Variants in CPNE9 observed in about 807,000 individuals in gnomAD.
CPNE9 encodes the protein copine family member 9.
CPNE9 carries 59 observed loss-of-function variants against 83.0 expected under a neutral mutation model. The ratio of observed to expected loss-of-function variants is 0.71; its 90% CI spans 0.58 to 0.88. The LOEUF is 0.88. Ranked by LOEUF, CPNE9 falls within the 40% of genes least tolerant of loss-of-function variation. The pLI, the probability that CPNE9 is intolerant of heterozygous loss-of-function variation, is 0.00. For missense variants in CPNE9, 619 were observed against 720.8 expected (o/e 0.86, Z 1.62); for synonymous variants, 256 against 273.4 (o/e 0.94, Z 0.63).
At chr3:9,721,371 C>A (rs1266371223) in intron 17 of CPNE9, among the ~76,000 whole-genome samples, 2 of 152,186 alleles carry the variant, frequency 1.3e-5, no homozygotes, top group Non-Finnish European at 2.9e-5. Flanking sequence ...AAAATTCATG[C>A]AAATTTTATA....
intron 17 of CPNE9, among the ~76,000 whole-genome samples, chr3:9,725,636 ACATGTATG>A (rs1317761592): frequency 2.3e-4 from 9 of 39,742 alleles, no homozygotes; most frequent in African/African-American, 1.2e-3. Flanking sequence ...ATATGTATAT[ACATGTATG>A]TGTATATATG....
rs2076810964 is a variant in CPNE9, at chr3:9,729,569, G to A, written c.1539G>A (p.Leu513=). The part of the protein sequence containing the change: ...SGNQVLSMAR[L]AKDVLAEIPE... Reference sequence around the variant, plus strand: ...ACCAGGTGTTGAGCATGGCCCGACTGGCCAAGGATGTGCTGGCCGAGATCC... The same window carrying A: ...ACCAGGTGTTGAGCATGGCCCGACTAGCCAAGGATGTGCTGGCCGAGATCC... Residue 513 remains leucine (L), a synonymous_variant, in exon 21 of 21, where the codon CTG becomes CTA. Coordinates refer to ENST00000383832, the MANE Select transcript of CPNE9 (RefSeq NM_153635.3). 11 of 1,614,108 alleles carry A rather than the reference G, an allele frequency of 6.8e-6. No homozygotes were observed. Among genetic ancestry groups the A allele is most frequent in the Non-Finnish European group, 9.3e-6 (11 of 1,180,008 alleles).
chr3:9,708,926 A>G (rs776397142), intron 7 of CPNE9, among the ~76,000 whole-genome samples: 47 of 148,776 alleles, frequency 3.2e-4, no homozygotes, highest in Non-Finnish European at 5.3e-4. Context: ...GAGCCACCGC[A>G]CCCGGCCCAA....
intron 17 of CPNE9, among the ~76,000 whole-genome samples, chr3:9,721,917 T>C (rs2076737371): frequency 6.6e-6 from 1 of 151,732 alleles, no homozygotes; most frequent in Non-Finnish European, 1.5e-5. Flanking sequence ...CTGTTTTTTG[T>C]TTTTAGTTTT....
At position 9,729,596 on chromosome 3, in the gene CPNE9, G is replaced by T. The variant is rs199637653; in HGVS notation, c.1566G>T (p.Pro522=). ...RLAKDVLAEI[P]EQLLSYMRTR... ...CCAAGGATGTGCTGGCCGAGATCCC[G>T]GAGCAGCTGCTGTCCTATATGCGCA... is the stretch of plus-strand genomic sequence containing the variant. Residue 522 remains proline (P), a synonymous_variant, in exon 21 of 21, where the codon CCG becomes CCT. Transcript: ENST00000383832. 2.5e-6 allele frequency: 4 copies of T among 1,614,102 alleles called. No homozygotes were observed. Among genetic ancestry groups the T allele is most frequent in the African/African-American group, 1.3e-5 (1 of 75,010 alleles).
chr3:9,725,074 C>T (rs539932541), intron 17 of CPNE9, among the ~76,000 whole-genome samples: 10 of 152,182 alleles, frequency 6.6e-5, no homozygotes, highest in Admixed American at 5.9e-4. Context: ...CCTCTGGTAC[C>T]GTCATAGCAG....
rs2076671857 is a variant in CPNE9 at position 9,715,329 on chromosome 3, C to T, written c.733C>T (p.Leu245=). ...IGEFTTSYRE[L]SKAQNQFTVY... is the part of the protein sequence containing the mutation. ...TGAGTTCACCACCAGCTACCGGGAG[C>T]TGAGCAAGGCCCAGAACCAGTTCAC... is the stretch of plus-strand genomic sequence containing the variant. Residue 245 remains leucine (L), a synonymous_variant, in exon 12 of 21, where the codon CTG becomes TTG. Transcript: ENST00000383832. The T allele has an allele frequency of 1.2e-6, 2 of 1,614,252 alleles. No homozygotes were observed. Among genetic ancestry groups the T allele is most frequent in the Non-Finnish European group, 8.5e-7 (1 of 1,180,042 alleles).
intron 14 of CPNE9, among the ~76,000 whole-genome samples, chr3:9,716,321 TAAAGTTA>T (rs1411975318): frequency 3.3e-5 from 5 of 152,120 alleles, no homozygotes; most frequent in Non-Finnish European, 5.9e-5. Flanking sequence ...GGGGCACAAA[TAAAGTTA>T]TAGTCAGGCA....
intron 17 of CPNE9, among the ~76,000 whole-genome samples, chr3:9,725,677 T>TAC (rs1491466253): frequency 4.8e-5 from 1 of 21,034 alleles, no homozygotes; most frequent in Non-Finnish European, 1.2e-4. Flanking sequence ...TATATATGTG[T>TAC]ATATATATAT....
intron 17 of CPNE9, among the ~76,000 whole-genome samples, chr3:9,725,412 G>A (rs930254170): frequency 3.9e-5 from 6 of 151,926 alleles, no homozygotes; most frequent in South Asian, 2.1e-4. Flanking sequence ...GCTCACACCC[G>A]TAGTCCCAGC....
chr3:9,715,154 C>T, intron 11 of CPNE9, 135 bp from the exon 12 acceptor site: 1 of 1,041,342 alleles, frequency 9.6e-7, no homozygotes, highest in Non-Finnish European at 1.4e-6. Flanking sequence ...CTATGTTTGG[C>T]CTCCCTTATG....
chr3:9,709,132 T>C (rs1401928303), intron 7 of CPNE9, among the ~76,000 whole-genome samples: 2 of 149,948 alleles, frequency 1.3e-5, no homozygotes, highest in Admixed American at 6.6e-5. Flanking sequence ...AAAACTTAGC[T>C]GGGAGTGGTG....
intron 19 of CPNE9, 81 bp from the exon 20 acceptor site, chr3:9,727,032 C>T (rs541977039): frequency 1.4e-6 from 2 of 1,464,706 alleles, no homozygotes; most frequent in African/African-American, 1.4e-5. Context: ...CTGATGACTC[C>T]AAAGGGGAGC....
intron 19 of CPNE9, 136 bp from the exon 20 acceptor site, chr3:9,726,977 A>G: frequency 1.1e-6 from 1 of 945,234 alleles, no homozygotes; most frequent in Non-Finnish European, 1.7e-6. Context: ...CTCCATAACG[A>G]AGACTGATAT....
In CPNE9 at chr3:9,729,596, G is replaced by A. The variant is rs199637653; in HGVS notation, c.1566G>A (p.Pro522=). Residue 522 remains proline, a synonymous_variant, in exon 21 of 21, where the codon CCG becomes CCA. Coordinates refer to ENST00000383832, the MANE Select transcript of CPNE9 (RefSeq NM_153635.3). ...CCAAGGATGTGCTGGCCGAGATCCC[G>A]GAGCAGCTGCTGTCCTATATGCGCA... ...RLAKDVLAEI[P]EQLLSYMRTR... The A allele has an allele frequency of 1.6e-4, 260 of 1,614,102 alleles. No individual in the cohort carries two copies. The African/African-American group carries it at 2.5e-3, about 15-fold the overall frequency.
At chr3:9,715,146 A>G in intron 11 of CPNE9, 143 bp from the exon 12 acceptor site, 6 of 979,838 alleles carry the variant, frequency 6.1e-6, no homozygotes, top group Non-Finnish European at 9.2e-6. Context: ...TTTTTCCCCT[A>G]TGTTTGGCCT....
chr3:9,726,757 G>A (rs2125477216), intron 19 of CPNE9, 35 bp downstream of exon 19: 1 of 1,591,602 alleles, frequency 6.3e-7, no homozygotes, highest in East Asian at 2.2e-5. Flanking sequence ...GTGGGACTAA[G>A]AACTAAGGAG....
chr3:9,729,903 A>G lies in CPNE9; in HGVS notation c.*211A>G, dbSNP rs2076814835. ...CATGCCAATAATAAAGCTGATCTTT[A>G]TTCCACCTCTGTCTCATGCATGTTG... On this transcript the variant is annotated 3_prime_UTR_variant, in exon 21 of 21. Transcript: ENST00000383832. 1.6e-6 allele frequency: 1 copy of G among 619,202 alleles called. No homozygotes were observed. 38.4% of individuals were successfully genotyped at this position (619,202 alleles called of 1,614,324 possible).
chr3:9,721,287 T>C (rs2076731662), intron 17 of CPNE9, among the ~76,000 whole-genome samples: 1 of 152,212 alleles, frequency 6.6e-6, no homozygotes, highest in East Asian at 1.9e-4. Context: ...ACAGCGTCCC[T>C]CTGGGGGAAT....
Sources: gnomAD v4.1 joint callset for allele counts (sites outside exome capture counted in the v4.1 genomes callset) on GRCh38, gnomAD v4.1.1 for gene constraint, MANE v1.5 for transcripts, NCBI Gene and HGNC (gene_info 2026-07-23, HGNC 2026-07-21) for gene names.